DAB1: variants seen among roughly 807,000 people sequenced by gnomAD.
DAB1 encodes the protein disabled homolog 1.
DAB1 carries 15 observed loss-of-function variants against 64.6 expected under a neutral mutation model. That is an observed-to-expected ratio of 0.23 (90% CI 0.16 to 0.36). DAB1 has a LOEUF of 0.36. Ranked by LOEUF, DAB1 falls within the 10% of genes least tolerant of loss-of-function variation. DAB1 has a pLI of 1.00. For synonymous variants in DAB1, 235 were observed against 251.9 expected (o/e 0.93, Z 0.64); for missense variants, 596 against 706.7 (o/e 0.84, Z 1.78).
chr1:58,028,110 A>T (rs1232031088), intron 5 of DAB1, among the ~76,000 whole-genome samples: 4 of 152,190 alleles, frequency 2.6e-5, no homozygotes, highest in Non-Finnish European at 5.9e-5. Flanking sequence ...TTTTACACAC[A>T]TCCTCACTTA....
intron 1 of DAB1, chr1:58,536,879 C>A: frequency 3.5e-6 from 2 of 569,612 alleles, no homozygotes; most frequent in Non-Finnish European, 6.2e-6. Context: ...ATCGCTTTTC[C>A]AATTAATAAA....
chr1:57,389,891 T>C (rs1178123527), intron 1 of DAB1, among the ~76,000 whole-genome samples: 2 of 152,236 alleles, frequency 1.3e-5, no homozygotes, highest in Non-Finnish European at 1.5e-5. Context: ...AGAAAACTTC[T>C]GAGTTGTTTA....
chr1:57,823,664 T>C (rs1457638982), downstream of DAB1, among the ~76,000 whole-genome samples: 3 of 152,154 alleles, frequency 2.0e-5, no homozygotes, highest in African/African-American at 4.8e-5. Flanking sequence ...CTCATCCCAA[T>C]TGTTGGGTAG....
At chr1:58,161,589 C>T (rs1332401845) in intron 4 of DAB1, among the ~76,000 whole-genome samples, 1 of 152,042 alleles carries the variant, frequency 6.6e-6, no homozygotes, top group Non-Finnish European at 1.5e-5. Flanking sequence ...TGTGATTAAA[C>T]ATATATGTAT....
rs565912104 is a variant in DAB1 at position 57,010,797 on chromosome 1, C to A, written c.1573-7G>T. ...AGGCCTGTGATCCATCAGGCTAGAA[C>A]ACAAGAAGATAATACTTTTTTTTTT... On this transcript the variant is annotated splice_region_variant and splice_polypyrimidine_tract_variant and intron_variant, in intron 13 of 14. Coordinates refer to ENST00000371236, the MANE Select transcript of DAB1 (RefSeq NM_001365792.1). 2 of 1,546,262 alleles carry A rather than the reference C, an allele frequency of 1.3e-6. No individual in the cohort carries two copies. The highest frequency in any genetic ancestry group is 2.5e-5 in the South Asian group (2 of 81,602).
chr1:57,333,463 G>C (rs988833582), intron 1 of DAB1, among the ~76,000 whole-genome samples: 1 of 152,234 alleles, frequency 6.6e-6, no homozygotes, highest in Non-Finnish European at 1.5e-5. Context: ...CCCATGCTGG[G>C]CACATTAAAT....
chr1:58,433,663 A>G (rs1197093016), intron 3 of DAB1, among the ~76,000 whole-genome samples: 226 of 87,538 alleles, frequency 2.6e-3, no homozygotes, highest in Middle Eastern at 6.2e-3. Context: ...GGAGGGGGGG[A>G]GGCGGGGGAG....
chr1:58,036,053 A>G (rs79534351), intron 5 of DAB1, among the ~76,000 whole-genome samples: 7,693 of 152,040 alleles, frequency 0.051, 294 homozygotes, highest in Non-Finnish European at 0.085. Context: ...GGAATGAGGG[A>G]AAAAAAAGTC....
intron 5 of DAB1, among the ~76,000 whole-genome samples, chr1:58,101,373 G>C (rs930057912): frequency 6.6e-6 from 1 of 152,060 alleles, no homozygotes. Flanking sequence ...CCTGTCACTG[G>C]GGTCAGTTGC....
chr1:57,185,334 A>C (rs752943863), intron 2 of DAB1, among the ~76,000 whole-genome samples: 2 of 152,162 alleles, frequency 1.3e-5, no homozygotes, highest in Non-Finnish European at 2.9e-5. Context: ...CAGTTACAAC[A>C]AGTTGGTAAT....
intron 4 of DAB1, among the ~76,000 whole-genome samples, chr1:58,197,907 G>C (rs1375092835): frequency 6.6e-6 from 1 of 152,094 alleles, no homozygotes; most frequent in African/African-American, 2.4e-5. Flanking sequence ...CATTAATATT[G>C]CTTTGTACTT....
At chr1:57,540,241 C>A (rs187300450) in intron 7 of DAB1, among the ~76,000 whole-genome samples, 1 of 152,216 alleles carries the variant, frequency 6.6e-6, no homozygotes, top group East Asian at 1.9e-4. Flanking sequence ...AAAACCACAA[C>A]ATGATATCAT....
chr1:57,813,437 T>C (rs531992295), intron 6 of DAB1, among the ~76,000 whole-genome samples: 136 of 152,328 alleles, frequency 8.9e-4, no homozygotes, highest in Non-Finnish European at 1.5e-3. Flanking sequence ...GTGCATTGTA[T>C]TGGGACACAA....
chr1:58,524,167 T>C (rs964077742), intron 2 of DAB1, among the ~76,000 whole-genome samples: 1 of 152,236 alleles, frequency 6.6e-6, no homozygotes, highest in Admixed American at 6.5e-5. Flanking sequence ...TAAATCTTGA[T>C]GCTCATTAAT....
intron 1 of DAB1, among the ~76,000 whole-genome samples, chr1:57,856,089 T>A (rs953516897): frequency 2.0e-5 from 3 of 152,286 alleles, no homozygotes; most frequent in South Asian, 2.1e-4. Flanking sequence ...TGCTACTGCC[T>A]GGGACTTATC....
intron 4 of DAB1, among the ~76,000 whole-genome samples, chr1:58,188,338 G>C (rs561329928): frequency 6.6e-6 from 1 of 152,352 alleles, no homozygotes; most frequent in South Asian, 2.1e-4. Flanking sequence ...GTTTGATAGA[G>C]AATCGATTTA....
intron 6 of DAB1, among the ~76,000 whole-genome samples, chr1:57,671,090 AT>A (rs1223671994): frequency 5.3e-5 from 8 of 152,104 alleles, no homozygotes; most frequent in South Asian, 2.1e-4. Context: ...AATTTGTGGA[AT>A]TTTTTTTCCC....
chr1:57,655,213 C>A (rs1646302245), intron 6 of DAB1, among the ~76,000 whole-genome samples: 1 of 152,050 alleles, frequency 6.6e-6, no homozygotes, highest in African/African-American at 2.4e-5. Context: ...CATCCATCAA[C>A]CAACTATCTA....
intron 5 of DAB1, among the ~76,000 whole-genome samples, chr1:57,999,175 T>C (rs1387427492): frequency 1.3e-5 from 2 of 152,198 alleles, no homozygotes; most frequent in African/African-American, 2.4e-5. Flanking sequence ...TGGGCCAGGG[T>C]CCTATGCTAA....
Sources: allele counts gnomAD v4.1 joint callset (sites outside exome capture counted in the v4.1 genomes callset), GRCh38; gene constraint gnomAD v4.1.1; transcripts MANE v1.5; gene names NCBI Gene and HGNC (gene_info 2026-07-23, HGNC 2026-07-21).